CTNNA2: variants seen among roughly 807,000 people sequenced by gnomAD.
CTNNA2 encodes catenin alpha 2.
CTNNA2 carries 42 observed loss-of-function variants against 101.0 expected under a neutral mutation model. The observed-to-expected ratio is 0.42, with a 90% CI of 0.32 to 0.54. The LOEUF (loss-of-function observed/expected upper bound fraction) is 0.54. CTNNA2 is among the 20% of genes least tolerant of loss of function. The pLI, the probability that CTNNA2 is intolerant of heterozygous loss-of-function variation, is 0.14. For missense variants in CTNNA2, 871 were observed against 1,223.1 expected (o/e 0.71, Z 4.29); for synonymous variants, 450 against 456.4 (o/e 0.99, Z 0.18).
intron 17 of CTNNA2, among the ~76,000 whole-genome samples, chr2:80,615,048 G>A (rs1176867199): frequency 1.3e-5 from 2 of 151,350 alleles, no homozygotes; most frequent in Non-Finnish European, 3.0e-5. Flanking sequence ...GAAGAAAAAA[G>A]TTGATATGTG....
rs1674271471 is a variant in CTNNA2 at position 80,647,844 on chromosome 2, G to A, written c.2834G>A (p.Ser945Asn). 1.2e-6 allele frequency: 2 copies of A among 1,608,900 alleles called. No individual in the cohort carries two copies. The highest frequency in any genetic ancestry group is 1.7e-6 in the Non-Finnish European group (2 of 1,176,668). Residue 945 changes from serine to asparagine, a missense_variant, in exon 19 of 19, where the codon AGT becomes AAT. Coordinates refer to ENST00000402739, the MANE Select transcript of CTNNA2 (RefSeq NM_001282597.3). Reference protein sequence around the residue: ...KKHISPVQALSEFKAMDSF With the variant: ...KKHISPVQALNEFKAMDSF ...CACATTTCGCCTGTACAGGCTTTAA[G>A]TGAATTCAAAGCAATGGATTCCTTC...
intron 7 of CTNNA2, among the ~76,000 whole-genome samples, chr2:80,109,068 G>A (rs145550603): frequency 6.6e-6 from 1 of 152,250 alleles, no homozygotes; most frequent in East Asian, 1.9e-4. Context: ...TAAACATACT[G>A]GTTTTGATGA....
intron 2 of CTNNA2, among the ~76,000 whole-genome samples, chr2:79,303,017 A>G (rs989870377): frequency 3.3e-5 from 5 of 152,224 alleles, no homozygotes; most frequent in Admixed American, 3.3e-4. Context: ...TTGTTCTAGG[A>G]CCAAATGAAT....
intron 3 of CTNNA2, among the ~76,000 whole-genome samples, chr2:79,341,020 C>T (rs941272474): frequency 1.3e-5 from 2 of 150,950 alleles, no homozygotes; most frequent in African/African-American, 4.9e-5. Context: ...ATATGTTAAA[C>T]GCTACATATA....
intron 3 of CTNNA2, 106 bp downstream of exon 3, chr2:79,744,688 T>C (rs1573854571): frequency 1.8e-6 from 2 of 1,108,992 alleles, no homozygotes; most frequent in African/African-American, 3.2e-5. Flanking sequence ...AGTCTTACGT[T>C]TTTTTCCTTT....
intron 7 of CTNNA2, among the ~76,000 whole-genome samples, chr2:80,355,699 T>G (rs74837475): frequency 0.029 from 4,383 of 152,268 alleles, 107 homozygotes; most frequent in African/African-American, 0.065. Context: ...GCAAAGATGC[T>G]CCGTTGTATA....
chr2:79,987,164 C>T (rs1035871530), intron 7 of CTNNA2, among the ~76,000 whole-genome samples: 1 of 152,222 alleles, frequency 6.6e-6, no homozygotes, highest in African/African-American at 2.4e-5. Flanking sequence ...CCAGCACTGG[C>T]CCCTCACCCC....
intron 7 of CTNNA2, among the ~76,000 whole-genome samples, chr2:79,941,661 C>T (rs935881338): frequency 3.3e-5 from 5 of 152,204 alleles, no homozygotes; most frequent in African/African-American, 9.6e-5. Flanking sequence ...CTCTGCCACC[C>T]AGGCTGAAGT....
At chr2:80,627,638 T>A (rs1191589052) in intron 18 of CTNNA2, among the ~76,000 whole-genome samples, 1 of 152,162 alleles carries the variant, frequency 6.6e-6, no homozygotes, top group Non-Finnish European at 1.5e-5. Context: ...TTGCAAAAAT[T>A]TTCTCCCATT....
chr2:79,567,133 A>C (rs975030261), intron 1 of CTNNA2, among the ~76,000 whole-genome samples: 2 of 152,164 alleles, frequency 1.3e-5, no homozygotes, highest in Non-Finnish European at 2.9e-5. Context: ...TGGAAGAAGG[A>C]AATGTATTTG....
intron 7 of CTNNA2, among the ~76,000 whole-genome samples, chr2:80,191,692 T>C (rs1706512841): frequency 1.3e-5 from 2 of 152,158 alleles, no homozygotes; most frequent in African/African-American, 4.8e-5. Flanking sequence ...CAAAAAACAT[T>C]ATTTGAGAAG....
intron 7 of CTNNA2, among the ~76,000 whole-genome samples, chr2:79,928,102 T>C (rs1449508333): frequency 6.6e-6 from 1 of 152,202 alleles, no homozygotes; most frequent in Non-Finnish European, 1.5e-5. Context: ...TATTCTTTAA[T>C]TGTACCTTTT....
At chr2:80,603,538 A>C (rs1164532617) in intron 15 of CTNNA2, 6 of 152,122 alleles carry the variant, frequency 3.9e-5, no homozygotes, top group Admixed American at 3.9e-4. Context: ...TTAAAATTTA[A>C]ATAATAGAAT....
At chr2:79,557,495 A>G (rs1030336194) in intron 1 of CTNNA2, among the ~76,000 whole-genome samples, 1 of 151,862 alleles carries the variant, frequency 6.6e-6, no homozygotes, top group Admixed American at 6.6e-5. Flanking sequence ...CTACACTTAT[A>G]ATTTGCCTAC....
chr2:79,647,785 C>T (rs143507576), intron 1 of CTNNA2, among the ~76,000 whole-genome samples: 1,531 of 152,308 alleles, frequency 0.01, 21 homozygotes, highest in South Asian at 0.035. Context: ...CAGGCATTTA[C>T]TTCTTGATCA....
At chr2:79,243,534 C>T (rs1381434778) in intron 2 of CTNNA2, among the ~76,000 whole-genome samples, 1 of 152,114 alleles carries the variant, frequency 6.6e-6, no homozygotes, top group African/African-American at 2.4e-5. Flanking sequence ...CTTGTTAAGC[C>T]CCTTCCACGT....
chr2:79,826,558 T>C (rs1678453363), intron 3 of CTNNA2, among the ~76,000 whole-genome samples: 1 of 152,198 alleles, frequency 6.6e-6, no homozygotes, highest in Admixed American at 6.5e-5. Context: ...CATCTTCATA[T>C]CTGCATGTCT....
At chr2:79,841,524 T>TGG (rs1388875423) in intron 3 of CTNNA2, among the ~76,000 whole-genome samples, 1 of 152,076 alleles carries the variant, frequency 6.6e-6, no homozygotes, top group Non-Finnish European at 1.5e-5. Flanking sequence ...AAATCTGTCA[T>TGG]GGGATGAAAT....
rs1306982182 is a variant in CTNNA2, at chr2:79,242,993, T to TATACACAC, written c.-406+44918_-406+44919insTACACACA. On this transcript the variant is annotated intron_variant, in intron 2 of 21. Coordinates refer to the CTNNA2 transcript ENST00000466387. The stretch of plus-strand genomic sequence containing the variant: ...AAATATATATATATATATATATATA[T>TATACACAC]ACACACACACACACACACACACACA... Among the ~76,000 whole-genome samples, 216 of 116,700 alleles carry TATACACAC rather than the reference T, an allele frequency of 1.9e-3. 1 individual carries two copies. The highest frequency in any genetic ancestry group is 2.3e-3 in the Non-Finnish European group (128 of 56,758). The allele number at this position is 116,700 out of a possible 152,430, so 76.6% of individuals were successfully genotyped here.
Sources: allele counts gnomAD v4.1 joint callset (sites outside exome capture counted in the v4.1 genomes callset), GRCh38; gene constraint gnomAD v4.1.1; transcripts MANE v1.5; gene names NCBI Gene and HGNC (gene_info 2026-07-23, HGNC 2026-07-21).